Variants in TAB1 observed in about 807,000 individuals in gnomAD.
The protein encoded by TAB1 is TGF-beta activated kinase 1 (MAP3K7) binding protein 1.
Under a neutral mutation model 54.5 loss-of-function variants are expected in TAB1, and 30 were observed. The observed-to-expected ratio is 0.55, with a 90% CI of 0.41 to 0.75. The LOEUF is 0.75. Among genes scored for constraint, TAB1 ranks in the 30% least tolerant of loss-of-function variants. The probability of loss-of-function intolerance (pLI) is 0.00; values close to 1 mark genes in which losing one functional copy is unlikely to be tolerated. For synonymous variants in TAB1, 289 were observed against 286.9 expected (o/e 1.01, Z -0.07); for missense variants, 609 against 683.2 (o/e 0.89, Z 1.21).
chr22:39,430,522 GC>G lies in TAB1; in HGVS notation c.*303del. On this transcript the variant is annotated 3_prime_UTR_variant, in exon 11 of 11. Transcript: ENST00000216160. ...AGAAACCGCAGTGGGCCTGCAAGCC[GC>G]CCGAGCCTCCCCAGCAGCCTCCTAC... is the stretch of plus-strand genomic sequence containing the variant. The G allele has an allele frequency of 7.8e-7, 1 of 1,282,082 alleles. No homozygotes were observed. Among genetic ancestry groups the G allele is most frequent in the East Asian group, 3.7e-5 (1 of 26,952 alleles). 79.4% of individuals were successfully genotyped at this position (1,282,082 alleles called of 1,614,324 possible).
At chr22:39,413,195 T>C (rs576683344) in intron 1 of TAB1, among the ~76,000 whole-genome samples, 19 of 152,220 alleles carry the variant, frequency 1.2e-4, no homozygotes, top group Admixed American at 9.8e-4. Flanking sequence ...ATTACAGGCT[T>C]GAGCCACCGC....
At chr22:39,422,534 A>G (rs1254206361) in intron 8 of TAB1, among the ~76,000 whole-genome samples, 1 of 150,352 alleles carries the variant, frequency 6.7e-6, no homozygotes, top group East Asian at 2.0e-4. Flanking sequence ...CAGCCTCCCA[A>G]GTAGCTGGGA....
downstream of TAB1, chr22:39,437,049 C>CAA (rs141513185): frequency 2.0e-5 from 3 of 148,962 alleles, no homozygotes; most frequent in African/African-American, 5.0e-5. Context: ...GCCTCTTCTG[C>CAA]AAAAAAAAAA....
rs531127523 is a variant in TAB1, at chr22:39,401,454, A to G, written c.33+1619A>G. 2.0e-5 allele frequency among the ~76,000 whole-genome samples: 3 copies of G among 152,094 alleles called. No individual in the cohort carries two copies. In the South Asian group the frequency reaches 6.2e-4, roughly 32 times the overall value. On this transcript the variant is annotated intron_variant, in intron 1 of 10. Transcript: ENST00000216160. ...GCAAGGTCCCTGTATAACTGTCCCCACTCTAGTTAGCATTTGGGAAACGCT... is the reference window on the plus strand; with the variant it reads ...GCAAGGTCCCTGTATAACTGTCCCCGCTCTAGTTAGCATTTGGGAAACGCT...
At position 39,430,081 on chromosome 22, in the gene TAB1, C is replaced by T. The variant is rs757969422; in HGVS notation, c.1374C>T (p.Asp458=). The change falls in exon 11 of 11, where the codon GAC becomes GAT. Residue 458 remains aspartate (D), a synonymous_variant. Coordinates refer to ENST00000216160, the MANE Select transcript of TAB1 (RefSeq NM_006116.3). ...CGCAGAGCAGCAGCTCCAGCTCTGA[C>T]GGAGGCCTCTTCCGCTCCCGGCCCG... The part of the protein sequence containing the change: ...THTQSSSSSS[D]GGLFRSRPAH... The T allele has an allele frequency of 3.5e-5, 57 of 1,614,016 alleles. 1 individual carries two copies. The highest frequency in any genetic ancestry group is 2.5e-4 in the South Asian group (23 of 91,090).
chr22:39,427,611 C>T lies in TAB1; in HGVS notation c.1145-410C>T, dbSNP rs188849957. On this transcript the variant is annotated intron_variant, in intron 9 of 10. Coordinates refer to ENST00000216160, the MANE Select transcript of TAB1 (RefSeq NM_006116.3). Reference sequence around the variant, plus strand: ...TAGATAAAGCTCAGGCATCCACAGACAGATTTGTTCTCCCATGGACACCAG... The same window carrying T: ...TAGATAAAGCTCAGGCATCCACAGATAGATTTGTTCTCCCATGGACACCAG... 4.4e-3 allele frequency among the ~76,000 whole-genome samples: 671 copies of T among 152,342 alleles called. 7 individuals are homozygous for T. Among genetic ancestry groups the T allele is most frequent in the African/African-American group, 0.016 (647 of 41,578 alleles).
downstream of TAB1, among the ~76,000 whole-genome samples, chr22:39,435,043 T>C (rs1927731953): frequency 6.6e-6 from 1 of 151,818 alleles, no homozygotes; most frequent in South Asian, 2.1e-4. Context: ...AGAACATGAG[T>C]GGACAAATAG....
chr22:39,430,140 T>C lies in TAB1; in HGVS notation c.1433T>C (p.Val478Ala), dbSNP rs746244412. 1.1e-5 allele frequency: 18 copies of C among 1,613,912 alleles called. No individual in the cohort carries two copies. The highest frequency in any genetic ancestry group is 1.5e-5 in the Non-Finnish European group (18 of 1,180,042). ...CTCCCGCCTGGCGAGGACGGTCGTG[T>C]TGAGCCCTATGTGGACTTTGCTGAG... The part of the protein sequence containing the change: ...HSLPPGEDGR[V>A]EPYVDFAEFY... Residue 478 changes from valine (V) to alanine (A), a missense_variant, in exon 11 of 11, where the codon GTT becomes GCT. Transcript: ENST00000216160.
At chr22:39,420,928 TTGTC>T (rs1569199388) in intron 7 of TAB1, among the ~76,000 whole-genome samples, 13 of 82,072 alleles carry the variant, frequency 1.6e-4, no homozygotes, top group South Asian at 8.4e-4. Context: ...GTGTGTGTGT[TTGTC>T]CTGGGGGCCA....
Position 39,418,782 on chromosome 22 carries a change from A to T in TAB1, c.601A>T (p.Thr201Ser). The T allele has an allele frequency of 1.2e-6, 2 of 1,614,186 alleles. No homozygotes were observed. The highest frequency in any genetic ancestry group is 1.7e-6 in the Non-Finnish European group (2 of 1,180,028). Residue 201 changes from threonine (T) to serine (S), a missense_variant, in exon 6 of 11, where the codon ACA becomes TCA. Thr to Ser is a moderately conservative substitution (Grantham distance 58). Transcript: ENST00000216160. The part of the protein sequence containing the change: ...CKSTVDGLQV[T>S]QLNVDHTTEN... ...ATCGACAGTGGATGGGTTGCAGGTG[A>T]CACAGCTGAACGTGGACCACACCAC...
chr22:39,425,703 C>G (rs778252017), intron 8 of TAB1, among the ~76,000 whole-genome samples: 2 of 151,456 alleles, frequency 1.3e-5, no homozygotes, highest in Non-Finnish European at 2.9e-5. Context: ...CCCGCCACCA[C>G]GCCCGGCTAA....
chr22:39,429,000 A>C, intron 10 of TAB1: 1 of 950,690 alleles, frequency 1.1e-6, no homozygotes, highest in Non-Finnish European at 1.3e-6. Flanking sequence ...TGGCCTCTCC[A>C]GCACCCCTGC....
At chr22:39,418,678 G>T (rs1926940230) in intron 5 of TAB1, 54 bp from the exon 6 acceptor site, 5 of 1,315,664 alleles carry the variant, frequency 3.8e-6, no homozygotes, top group Non-Finnish European at 5.5e-6. Flanking sequence ...TTCCCGGTAT[G>T]CCCTATTTCT....
intron 1 of TAB1, among the ~76,000 whole-genome samples, chr22:39,410,728 C>T (rs1043665808): frequency 6.6e-5 from 10 of 152,148 alleles, no homozygotes; most frequent in African/African-American, 2.2e-4. Flanking sequence ...TAGAGACACA[C>T]CATGTTAATG....
chr22:39,414,126 C>T (rs531372020), intron 1 of TAB1, among the ~76,000 whole-genome samples: 1 of 152,176 alleles, frequency 6.6e-6, no homozygotes, highest in Admixed American at 6.5e-5. Context: ...ATCAGGGTGC[C>T]GTTGGGGTAC....
chr22:39,427,500 C>T (rs991136336), intron 9 of TAB1, among the ~76,000 whole-genome samples: 5 of 152,338 alleles, frequency 3.3e-5, no homozygotes, highest in Middle Eastern at 3.4e-3. Context: ...TGCTCTTTCC[C>T]GTGCTCCCCC....
intron 1 of TAB1, among the ~76,000 whole-genome samples, chr22:39,404,565 TAA>T (rs956258923): frequency 7.0e-6 from 1 of 143,352 alleles, no homozygotes; most frequent in African/African-American, 2.6e-5. Flanking sequence ...AAGACCTGTT[TAA>T]AAAAAAAAAA....
At chr22:39,428,685 C>A (rs941285244) in intron 10 of TAB1, among the ~76,000 whole-genome samples, 66 of 152,310 alleles carry the variant, frequency 4.3e-4, no homozygotes, top group African/African-American at 1.5e-3. Flanking sequence ...GGAGTACACC[C>A]CACCCCCTTC....
chr22:39,406,163 G>T (rs1008979811), intron 1 of TAB1, among the ~76,000 whole-genome samples: 1 of 152,124 alleles, frequency 6.6e-6, no homozygotes, highest in Non-Finnish European at 1.5e-5. Flanking sequence ...ACTTTGGGAG[G>T]CCAAGGCGTG....
Sources: allele counts gnomAD v4.1 joint callset (sites outside exome capture counted in the v4.1 genomes callset), GRCh38; gene constraint gnomAD v4.1.1; transcripts MANE v1.5; gene names NCBI Gene and HGNC (gene_info 2026-07-23, HGNC 2026-07-21).